Variants in CNTN5 observed in about 807,000 individuals in gnomAD.
The protein encoded by CNTN5 is contactin-5.
Under a neutral mutation model 129.1 loss-of-function variants are expected in CNTN5, and 77 were observed. The ratio of observed to expected loss-of-function variants is 0.60; its 90% CI spans 0.50 to 0.72. The LOEUF is 0.72. CNTN5 is among the 30% of genes least tolerant of loss of function. The pLI, the probability that CNTN5 is intolerant of heterozygous loss-of-function variation, is 0.00. For synonymous variants in CNTN5, 509 were observed against 465.6 expected, an observed-to-expected ratio of 1.09 and a Z score of -1.20; for missense variants, 1,478 against 1,328.8, an observed-to-expected ratio of 1.11 and a Z score of -1.75.
chr11:99,161,773 T>G (rs10892829), intron 1 of CNTN5, among the ~76,000 whole-genome samples: 68,202 of 152,062 alleles, frequency 0.45, 17,160 homozygotes, highest in East Asian at 0.76. Flanking sequence ...GAAACCATTG[T>G]AGGTAGCAAA....
chr11:99,681,338 A>AT (rs35688225), intron 3 of CNTN5, among the ~76,000 whole-genome samples: 52,964 of 143,780 alleles, frequency 0.37, 10,172 homozygotes, highest in Middle Eastern at 0.49. Flanking sequence ...ACTACTAAGA[A>AT]TTTTTTTGTG....
At position 99,666,382 on chromosome 11, in the gene CNTN5, A is replaced by G. The variant is rs567496611; in HGVS notation, c.55+110113A>G. Among the ~76,000 whole-genome samples, 4 of 152,296 alleles carry G rather than the reference A, an allele frequency of 2.6e-5. No homozygotes were observed. In the South Asian group the frequency reaches 6.2e-4, roughly 24 times the overall value. The stretch of plus-strand genomic sequence containing the variant: ...GGTCTCTTCTTGACTTTTTAGCTGG[A>G]GAGTAGGCTGGAGACTGTTAGAAAT... On this transcript the variant is annotated intron_variant, in intron 3 of 24. Transcript: ENST00000524871.
chr11:99,342,860 G>A (rs1866586442), intron 2 of CNTN5, among the ~76,000 whole-genome samples: 1 of 152,004 alleles, frequency 6.6e-6, no homozygotes, highest in Non-Finnish European at 1.5e-5. Context: ...ACAAACTTAA[G>A]GTGTTGTTCT....
At chr11:100,255,555 A>G (rs1172032631) in intron 16 of CNTN5, among the ~76,000 whole-genome samples, 1 of 152,234 alleles carries the variant, frequency 6.6e-6, no homozygotes, top group African/African-American at 2.4e-5. Flanking sequence ...AGTAGCAGAA[A>G]GAAATCAAAT....
chr11:99,495,240 C>T (rs1946181246), intron 2 of CNTN5, among the ~76,000 whole-genome samples: 1 of 152,012 alleles, frequency 6.6e-6, no homozygotes, highest in South Asian at 2.1e-4. Context: ...TGGTGGTGCA[C>T]ACCTGTAATC....
At chr11:99,782,837 TTAAAGAC>T (rs1186375840) in intron 3 of CNTN5, among the ~76,000 whole-genome samples, 4 of 151,706 alleles carry the variant, frequency 2.6e-5, no homozygotes, top group Admixed American at 6.6e-5. Flanking sequence ...TCAAGATGGA[TTAAAGAC>T]TTAAACGTTA....
At chr11:99,593,137 T>A (rs1950027469) in intron 3 of CNTN5, among the ~76,000 whole-genome samples, 1 of 152,182 alleles carries the variant, frequency 6.6e-6, no homozygotes, top group Non-Finnish European at 1.5e-5. Context: ...GGCCCTGGAT[T>A]TCCCTATTCT....
At chr11:99,148,960 T>C (rs1182122230) in intron 1 of CNTN5, among the ~76,000 whole-genome samples, 2 of 151,800 alleles carry the variant, frequency 1.3e-5, no homozygotes, top group Admixed American at 1.3e-4. Context: ...TAAAATCATT[T>C]GTATGAGAGA....
At position 100,070,484 on chromosome 11, in the gene CNTN5, G is replaced by T. The variant is rs201259702; in HGVS notation, c.1223G>T (p.Arg408Leu). 5.0e-6 allele frequency: 8 copies of T among 1,612,798 alleles called. No individual in the cohort carries two copies. The highest frequency in any genetic ancestry group is 3.3e-5 in the Admixed American group (2 of 59,876). The change falls in exon 11 of 25, where the codon CGA becomes CTA. Residue 408 changes from arginine to leucine, a missense_variant. Physicochemically the swap from Arg to Leu is moderately radical, Grantham distance 102. Coordinates refer to ENST00000524871, the MANE Select transcript of CNTN5 (RefSeq NM_014361.4). ...CAGTTAGACAGTGGGAGCCCTCTCC[G>T]ATGGGAATGTAAGGCTACTGGAAAA... is the stretch of plus-strand genomic sequence containing the variant. The part of the protein sequence containing the change: ...DTQLDSGSPL[R>L]WECKATGKPR...
chr11:100,281,335 T>G (rs1417264450), intron 18 of CNTN5, among the ~76,000 whole-genome samples: 1 of 152,150 alleles, frequency 6.6e-6, no homozygotes, highest in African/African-American at 2.4e-5. Flanking sequence ...CTCCTTATGT[T>G]TGAAGGATAT....
intron 3 of CNTN5, among the ~76,000 whole-genome samples, chr11:99,724,678 A>C (rs1467048979): frequency 6.6e-6 from 1 of 152,212 alleles, no homozygotes; most frequent in Admixed American, 6.5e-5. Context: ...CTTGACTAAG[A>C]GATACTACCT....
intron 2 of CNTN5, among the ~76,000 whole-genome samples, chr11:99,409,865 T>C (rs1942310079): frequency 1.9e-5 from 2 of 104,670 alleles, no homozygotes; most frequent in Non-Finnish European, 4.0e-5. Context: ...GATGTGATAT[T>C]GGGAAAGGAA....
At chr11:99,777,230 T>C (rs1945154408) in intron 3 of CNTN5, among the ~76,000 whole-genome samples, 1 of 151,900 alleles carries the variant, frequency 6.6e-6, no homozygotes, top group South Asian at 2.1e-4. Flanking sequence ...AAAATACCTT[T>C]TGAAGTTCAC....
intron 8 of CNTN5, among the ~76,000 whole-genome samples, chr11:99,963,733 A>T (rs540955159): frequency 6.6e-6 from 1 of 152,306 alleles, no homozygotes; most frequent in Middle Eastern, 3.4e-3. Context: ...CATTGAATCT[A>T]TAAATTACCT....
At chr11:99,872,062 T>C (rs2135815426) in intron 6 of CNTN5, among the ~76,000 whole-genome samples, 1 of 152,028 alleles carries the variant, frequency 6.6e-6, no homozygotes, top group South Asian at 2.1e-4. Context: ...AGGACATATT[T>C]ATGAACACTG....
Position 99,768,427 on chromosome 11 carries a change from T to C in CNTN5, c.56-51117T>C, listed in dbSNP as rs536816004. Among the ~76,000 whole-genome samples the C allele has an allele frequency of 2.0e-4, 31 of 152,278 alleles. No homozygotes were observed. In the South Asian group the frequency reaches 6.4e-3, roughly 32 times the overall value. On this transcript the variant is annotated intron_variant, in intron 3 of 24. Transcript: ENST00000524871. ...GTATTTAACAATGGTACAGTAATATTGTCTCATAGACAGTCCATATTCAGA... is the reference window on the plus strand; with the variant it reads ...GTATTTAACAATGGTACAGTAATATCGTCTCATAGACAGTCCATATTCAGA...
chr11:99,999,817 C>CAG lies in CNTN5; in HGVS notation c.878-2217_878-2216insAG, dbSNP rs1288201605. 2.2e-4 allele frequency among the ~76,000 whole-genome samples: 33 copies of CAG among 152,148 alleles called. No homozygotes were observed. In the East Asian group the frequency reaches 2.7e-3, roughly 12 times the overall value. Reference sequence around the variant, plus strand: ...TGTGGCACATATACACCATGGAATACTACGCAGCCATAAAAAATGATGAGT... The same window carrying CAG: ...TGTGGCACATATACACCATGGAATACAGTACGCAGCCATAAAAAATGATGAGT... On this transcript the variant is annotated intron_variant, in intron 8 of 24. Coordinates refer to ENST00000524871, the MANE Select transcript of CNTN5 (RefSeq NM_014361.4).
chr11:99,703,771 A>G (rs1466295367), intron 3 of CNTN5, among the ~76,000 whole-genome samples: 1 of 151,006 alleles, frequency 6.6e-6, no homozygotes, highest in African/African-American at 2.4e-5. Context: ...GGTTAATTTG[A>G]TCATTTAACA....
intron 8 of CNTN5, among the ~76,000 whole-genome samples, chr11:99,983,083 A>G (rs1938453192): frequency 6.6e-6 from 1 of 152,128 alleles, no homozygotes; most frequent in African/African-American, 2.4e-5. Context: ...GCTGGAAACT[A>G]CAGTGCAGTG....
Sources: allele counts gnomAD v4.1 joint callset (sites outside exome capture counted in the v4.1 genomes callset), GRCh38; gene constraint gnomAD v4.1.1; transcripts MANE v1.5; gene names NCBI Gene and HGNC (gene_info 2026-07-23, HGNC 2026-07-21).